SAV1: variants seen among roughly 807,000 people sequenced by gnomAD.
SAV1 encodes the protein salvador family WW domain containing protein 1.
A neutral mutation model predicts 47.3 loss-of-function variants in SAV1; 23 were observed. The ratio of observed to expected loss-of-function variants is 0.49; its 90% CI spans 0.35 to 0.69. The LOEUF is 0.69. Ranked by LOEUF, SAV1 falls within the 30% of genes least tolerant of loss-of-function variation. SAV1 has a pLI of 0.01. For missense variants in SAV1, 448 were observed against 457.4 expected, an observed-to-expected ratio of 0.98 and a Z score of 0.19; for synonymous variants, 155 against 159.2, an observed-to-expected ratio of 0.97 and a Z score of 0.20.
chr14:50,641,039 GAT>G, intron 3 of SAV1, 146 bp from the exon 4 acceptor site: 1 of 658,006 alleles, frequency 1.5e-6, no homozygotes, highest in Non-Finnish European at 2.3e-6. Flanking sequence ...GTATTTTTAA[GAT>G]ATTTCTTCTG....
intron 2 of SAV1, among the ~76,000 whole-genome samples, chr14:50,654,999 T>C (rs2039800509): frequency 3.1e-5 from 2 of 64,010 alleles, no homozygotes; most frequent in African/African-American, 7.4e-5. Flanking sequence ...AGCTAACATA[T>C]AATTTTTTAA....
chr14:50,643,097 C>G (rs766400191), intron 3 of SAV1, among the ~76,000 whole-genome samples: 11 of 152,198 alleles, frequency 7.2e-5, no homozygotes, highest in Non-Finnish European at 1.3e-4. Context: ...AACCAGACAA[C>G]TAGTAATACT....
At chr14:50,647,423 G>A (rs2039731360) in intron 2 of SAV1, among the ~76,000 whole-genome samples, 1 of 152,094 alleles carries the variant, frequency 6.6e-6, no homozygotes, top group Admixed American at 6.5e-5. Context: ...CTGCTGCAGT[G>A]ACACGCACCT....
chr14:50,664,898 T>A (rs2039888076), intron 2 of SAV1: 1 of 225,758 alleles, frequency 4.4e-6, no homozygotes, highest in African/African-American at 2.3e-5. Context: ...GACATTAAAT[T>A]CTCTAGGTTT....
intron 2 of SAV1, among the ~76,000 whole-genome samples, chr14:50,652,295 C>G (rs960190840): frequency 6.6e-6 from 1 of 152,198 alleles, no homozygotes; most frequent in African/African-American, 2.4e-5. Context: ...AAACTGCCAA[C>G]AGTATGAACT....
At chr14:50,661,808 C>T (rs1001142679) in intron 2 of SAV1, among the ~76,000 whole-genome samples, 1 of 152,082 alleles carries the variant, frequency 6.6e-6, no homozygotes, top group African/African-American at 2.4e-5. Context: ...CTTTCTATAC[C>T]AATACCATAT....
Position 50,665,521 on chromosome 14 carries a change from C to A in SAV1, c.193G>T (p.Asp65Tyr). 1 of 1,614,038 alleles carries A rather than the reference C, an allele frequency of 6.2e-7. No homozygotes were observed. Among genetic ancestry groups the A allele is most frequent in the Non-Finnish European group, 8.5e-7 (1 of 1,179,942 alleles). Reference protein sequence around the residue: ...SSPNAFSTSGDVVSRNQSFLR... With the variant: ...SSPNAFSTSGYVVSRNQSFLR... ...AAACTCTGGTTTCTTGAAACTACAT[C>A]TCCAGAAGTTGAAAAGGCATTAGGG... Residue 65 changes from aspartate (D) to tyrosine (Y), a missense_variant, in exon 2 of 5, where the codon GAT becomes TAT. Physicochemically the swap from Asp to Tyr is radical, Grantham distance 160. Coordinates refer to ENST00000324679, the MANE Select transcript of SAV1 (RefSeq NM_021818.4).
chr14:50,648,502 G>A (rs1009865302), intron 2 of SAV1, among the ~76,000 whole-genome samples: 10 of 152,154 alleles, frequency 6.6e-5, no homozygotes, highest in African/African-American at 1.2e-4. Flanking sequence ...ATAGTTGGCC[G>A]GGTGCGGTGG....
At chr14:50,651,082 T>C (rs1221849105) in intron 2 of SAV1, among the ~76,000 whole-genome samples, 1 of 150,696 alleles carries the variant, frequency 6.6e-6, no homozygotes, top group Non-Finnish European at 1.5e-5. Context: ...TTCGGATAAC[T>C]GCAGCCCCAG....
chr14:50,646,937 G>T (rs2140253028), intron 2 of SAV1, among the ~76,000 whole-genome samples: 1 of 152,204 alleles, frequency 6.6e-6, no homozygotes, highest in South Asian at 2.1e-4. Flanking sequence ...AGAGAATCCA[G>T]AAGAACACCC....
At chr14:50,663,738 T>C (rs569601001) in intron 2 of SAV1, among the ~76,000 whole-genome samples, 3 of 152,330 alleles carry the variant, frequency 2.0e-5, no homozygotes, top group African/African-American at 7.2e-5. Flanking sequence ...CTCTTTTCTC[T>C]AGGAATCTAC....
At chr14:50,645,144 AT>A in intron 2 of SAV1, 130 bp from the exon 3 acceptor site, 1 of 763,758 alleles carries the variant, frequency 1.3e-6, no homozygotes, top group Non-Finnish European at 2.0e-6. Context: ...GATTATGCCC[AT>A]TATGATGGTT....
At position 50,644,886 on chromosome 14, in the gene SAV1, T is replaced by C. The variant is rs779680386; in HGVS notation, c.664A>G (p.Thr222Ala). The C allele has an allele frequency of 7.4e-6, 12 of 1,614,154 alleles. No homozygotes were observed. The highest frequency in any genetic ancestry group is 1.7e-5 in the Admixed American group (1 of 60,032). Residue 222 changes from threonine to alanine, a missense_variant, in exon 3 of 5, where the codon ACA becomes GCA. Coordinates refer to ENST00000324679, the MANE Select transcript of SAV1 (RefSeq NM_021818.4). ...RGRKYYIDHN[T>A]NTTHWSHPLE... ...GGATGGCTCCAGTGAGTTGTATTTGTGTTATGATCTATATAATATTTTCTC... is the reference window on the plus strand; with the variant it reads ...GGATGGCTCCAGTGAGTTGTATTTGCGTTATGATCTATATAATATTTTCTC...
At chr14:50,654,458 T>C (rs1469698067) in intron 2 of SAV1, among the ~76,000 whole-genome samples, 1 of 152,222 alleles carries the variant, frequency 6.6e-6, no homozygotes, top group Non-Finnish European at 1.5e-5. Flanking sequence ...CTTATTTTAG[T>C]TTAGTTTGCA....
intron 2 of SAV1, among the ~76,000 whole-genome samples, chr14:50,649,967 A>C (rs1033593878): frequency 2.6e-5 from 4 of 152,236 alleles, no homozygotes; most frequent in African/African-American, 9.6e-5. Flanking sequence ...AGAGCTTTTA[A>C]AATTACAGTT....
chr14:50,642,616 T>C, intron 3 of SAV1, among the ~76,000 whole-genome samples: 1 of 151,884 alleles, frequency 6.6e-6, no homozygotes, highest in South Asian at 2.1e-4. Context: ...CATGTACCCC[T>C]GAACCTAAAA....
chr14:50,637,696 TGAA>T (rs2039647714), intron 4 of SAV1: 4 of 133,826 alleles, frequency 3.0e-5, no homozygotes, highest in Admixed American at 8.6e-5. Context: ...TTTTAAGAGA[TGAA>T]GATCTCCTAT....
At chr14:50,667,764 G>A (rs1419251682) in intron 1 of SAV1, 110 bp downstream of exon 1, 5 of 754,616 alleles carry the variant, frequency 6.6e-6, no homozygotes, top group Admixed American at 5.3e-5. Flanking sequence ...AGTATTTCAC[G>A]CGACCAAGGA....
At chr14:50,658,672 T>C (rs1566746701) in intron 2 of SAV1, among the ~76,000 whole-genome samples, 2 of 152,240 alleles carry the variant, frequency 1.3e-5, no homozygotes, top group Non-Finnish European at 2.9e-5. Flanking sequence ...TTTATGCTTA[T>C]GACAATCAAA....
Sources: allele counts gnomAD v4.1 joint callset (sites outside exome capture counted in the v4.1 genomes callset), GRCh38; gene constraint gnomAD v4.1.1; transcripts MANE v1.5; gene names NCBI Gene and HGNC (gene_info 2026-07-23, HGNC 2026-07-21).